The following DOCK5 variants were observed in gnomAD, a reference collection of about 807,000 sequenced individuals.
DOCK5 encodes the protein dedicator of cytokinesis protein 5.
DOCK5 carries 142 observed loss-of-function variants against 251.8 expected under a neutral mutation model. The observed-to-expected ratio is 0.56, with a 90% CI of 0.49 to 0.65. The LOEUF is 0.65. Ranked by LOEUF, DOCK5 falls within the 30% of genes least tolerant of loss-of-function variation. The pLI is 0.00. For synonymous variants in DOCK5, 842 were observed against 835.5 expected (o/e 1.01, Z -0.13); for missense variants, 2,111 against 2,312.3 (o/e 0.91, Z 1.79).
In DOCK5 at chr8:25,310,521, T is replaced by C. The variant is rs765426394; in HGVS notation, c.1307T>C (p.Ile436Thr). 2.5e-6 allele frequency: 4 copies of C among 1,611,248 alleles called. No homozygotes were observed. The South Asian group carries it at 4.4e-5, about 18-fold the overall frequency. Residue 436 changes from isoleucine (I) to threonine (T), a missense_variant, in exon 13 of 52, where the codon ATC (isoleucine) becomes ACC (threonine). Ile to Thr is a moderately conservative substitution (Grantham distance 89, BLOSUM62 -1). Transcript: ENST00000276440. ...AIARKMGFPE[I>T]ILPGDVRNDI... is the part of the protein sequence containing the mutation. ...GCCCGGAAGATGGGCTTTCCTGAAA[T>C]CATACTGCCAGGTAAGCACTTTGCA...
Position 25,231,474 on chromosome 8 carries a change from ATT to A in DOCK5, c.44-12199_44-12198del, listed in dbSNP as rs562999982. ...TTTTATCATAACCAAGCAATTTCAT[ATT>A]GTTTGTTGTAGTATAGAGAAATACA... is the stretch of plus-strand genomic sequence containing the variant. On this transcript the variant is annotated intron_variant, in intron 1 of 51. Coordinates refer to ENST00000276440, the MANE Select transcript of DOCK5 (RefSeq NM_024940.8). Among the ~76,000 whole-genome samples, 271 of 152,302 alleles carry A rather than the reference ATT, an allele frequency of 1.8e-3. 1 individual carries two copies. Among genetic ancestry groups the A allele is most frequent in the Non-Finnish European group, 3.0e-3 (201 of 68,016 alleles).
At chr8:25,217,842 A>T (rs945179085) in intron 1 of DOCK5, among the ~76,000 whole-genome samples, 1 of 152,232 alleles carries the variant, frequency 6.6e-6, no homozygotes, top group Non-Finnish European at 1.5e-5. Flanking sequence ...AGAGAATGGG[A>T]CATGTTAGTA....
Position 25,292,132 on chromosome 8 carries a change from C to A in DOCK5, c.430C>A (p.Leu144Ile). The A allele has an allele frequency of 6.3e-7, 1 of 1,584,982 alleles. No homozygotes were observed. Among genetic ancestry groups the A allele is most frequent in the South Asian group, 1.2e-5 (1 of 86,504 alleles). ...GCTCCCCAAGGATGAACTGGCAGAG[C>A]TCAAGAAGAAAGTCACAGCCAAAAT... is the stretch of plus-strand genomic sequence containing the variant. ...GTLPKDELAE[L>I]KKKVTAKIDH... Residue 144 changes from leucine to isoleucine, a missense_variant, in exon 6 of 52, where the codon CTC becomes ATC. By Grantham distance (5) the Leu-to-Ile change is conservative. Coordinates refer to ENST00000276440, the MANE Select transcript of DOCK5 (RefSeq NM_024940.8).
intron 2 of DOCK5, among the ~76,000 whole-genome samples, chr8:25,258,322 T>G (rs1010978929): frequency 1.3e-5 from 2 of 152,118 alleles, no homozygotes; most frequent in African/African-American, 4.8e-5. Context: ...AGAATAAACC[T>G]TCTTGGCATT....
At chr8:25,402,054 G>A (rs530434558) in intron 47 of DOCK5, among the ~76,000 whole-genome samples, 51 of 152,232 alleles carry the variant, frequency 3.4e-4, no homozygotes, top group Non-Finnish European at 5.6e-4. Context: ...GGTGTAATAC[G>A]TTCTAGCTCT....
At chr8:25,355,935 G>A (rs373999848) in intron 27 of DOCK5, among the ~76,000 whole-genome samples, 2 of 151,750 alleles carry the variant, frequency 1.3e-5, no homozygotes, top group African/African-American at 4.8e-5. Context: ...GCTCACGCCT[G>A]TAATCCCTGC....
Position 25,372,539 on chromosome 8 carries a change from C to T in DOCK5, c.3525-20C>T, listed in dbSNP as rs1800891363. On this transcript the variant is annotated intron_variant, in intron 34 of 51. Transcript: ENST00000276440. ...GATAGCATGGAACCTGGGCTTTTGT[C>T]TCTCCCTCCGCCCCTCCAGGCTCCT... 1.3e-6 allele frequency: 2 copies of T among 1,552,834 alleles called. No individual in the cohort carries two copies. Among genetic ancestry groups the T allele is most frequent in the Admixed American group, 2.2e-5 (1 of 46,484 alleles).
At chr8:25,302,257 G>GAAA (rs1804785772) in intron 9 of DOCK5, 68 bp from the exon 10 acceptor site, 4 of 1,509,514 alleles carry the variant, frequency 2.6e-6, no homozygotes, top group Non-Finnish European at 3.5e-6. Context: ...AGAGGGTAAA[G>GAAA]AAAAAAGAGA....
chr8:25,323,804 G>C (rs1379141961), intron 16 of DOCK5, 44 bp from the exon 17 acceptor site: 3 of 1,589,254 alleles, frequency 1.9e-6, no homozygotes, highest in African/African-American at 1.3e-5. Context: ...ATCGCCTCCT[G>C]GTGTCTCTCT....
chr8:25,304,270 A>G lies in DOCK5; in HGVS notation c.992A>G (p.Asp331Gly). 2 of 1,609,276 alleles carry G rather than the reference A, an allele frequency of 1.2e-6. No individual in the cohort carries two copies. The highest frequency in any genetic ancestry group is 1.7e-6 in the Non-Finnish European group (2 of 1,177,952). ...PFGVAVMDIT[D>G]IIHGKVDDEE... ...TTTTTCCTAGTGATGGATATTACTG[A>G]TATCATACATGGGAAGGTGGATGAT... Residue 331 changes from aspartate (D) to glycine (G), a missense_variant, in exon 11 of 52, where the codon GAT becomes GGT. Physicochemically the swap from Asp to Gly is moderately conservative, Grantham distance 94. This residue lies in a region of DOCK5 where 1,717 missense variants were observed against 1,892.4 expected (regional missense o/e 0.91). Transcript: ENST00000276440.
chr8:25,276,824 A>G (rs1228857950), intron 4 of DOCK5: 1 of 152,206 alleles, frequency 6.6e-6, no homozygotes, highest in Non-Finnish European at 1.5e-5. Flanking sequence ...GAAATTGGTA[A>G]CAGATATTCC....
At position 25,319,684 on chromosome 8, in the gene DOCK5, T is replaced by C. The variant is rs1290204322; in HGVS notation, c.1542+8T>C. 2 of 1,557,754 alleles carry C rather than the reference T, an allele frequency of 1.3e-6. No homozygotes were observed. Among genetic ancestry groups the C allele is most frequent in the East Asian group, 4.6e-5 (2 of 43,086 alleles). On this transcript the variant is annotated splice_region_variant and intron_variant, in intron 15 of 51. Coordinates refer to ENST00000276440, the MANE Select transcript of DOCK5 (RefSeq NM_024940.8). ...TGGTATGAGACTGTCAAGGTGAGAA[T>C]GAGTCATTTGTAACCCCTGTTATCT...
intron 13 of DOCK5, among the ~76,000 whole-genome samples, chr8:25,311,039 G>C (rs139912418): frequency 6.6e-6 from 1 of 152,100 alleles, no homozygotes; most frequent in Non-Finnish European, 1.5e-5. Context: ...CTCCAAAAGC[G>C]CTCTGGCTCT....
At chr8:25,324,968 A>T (rs1048375204) in intron 17 of DOCK5, among the ~76,000 whole-genome samples, 1 of 152,034 alleles carries the variant, frequency 6.6e-6, no homozygotes, top group Admixed American at 6.5e-5. Flanking sequence ...CCTACAAAGG[A>T]CATGAACTCA....
intron 9 of DOCK5, among the ~76,000 whole-genome samples, chr8:25,302,007 G>A (rs150369872): frequency 6.6e-6 from 1 of 152,256 alleles, no homozygotes; most frequent in Non-Finnish European, 1.5e-5. Context: ...ATATACAATC[G>A]CAATGATGAG....
chr8:25,299,427 A>C, intron 8 of DOCK5: 1 of 241,144 alleles, frequency 4.1e-6, no homozygotes, highest in East Asian at 9.8e-5. Flanking sequence ...TTTTAGAGCA[A>C]CGGCAGTATT....
intron 14 of DOCK5, among the ~76,000 whole-genome samples, chr8:25,318,929 G>A (rs1341712909): frequency 6.6e-6 from 1 of 152,172 alleles, no homozygotes; most frequent in Non-Finnish European, 1.5e-5. Flanking sequence ...ACTAAGGCAA[G>A]TCGTATTCTG....
intron 27 of DOCK5, among the ~76,000 whole-genome samples, chr8:25,356,919 A>G (rs1197443579): frequency 2.6e-4 from 16 of 60,598 alleles, no homozygotes; most frequent in African/African-American, 9.2e-4. Flanking sequence ...ATATATATAT[A>G]TATATATATA....
At chr8:25,260,019 G>A (rs971572316) in intron 2 of DOCK5, among the ~76,000 whole-genome samples, 20 of 152,368 alleles carry the variant, frequency 1.3e-4, no homozygotes, top group African/African-American at 4.3e-4. Context: ...CAGGAAGGCG[G>A]TGAGTGTGCT....
Sources: gnomAD v4.1 joint callset for allele counts (sites outside exome capture counted in the v4.1 genomes callset) on GRCh38, gnomAD v4.1.1 for gene constraint, gnomAD v4.1.1 regional missense constraint, MANE v1.5 for transcripts, NCBI Gene and HGNC (gene_info 2026-07-23, HGNC 2026-07-21) for gene names.